CDKN2B-AS1: variants seen among roughly 807,000 people sequenced by gnomAD.
The protein encoded by CDKN2B-AS1 is CDKN2B and CDKN2A antisense cis and trans regulatory RNA 1, also known as CDKN2B antisense RNA 1 (non-protein coding).
chr9:22,076,118 A>C (rs1824482254), intron 4 of CDKN2B-AS1, among the ~76,000 whole-genome samples: 1 of 152,006 alleles, frequency 6.6e-6, no homozygotes, highest in Admixed American at 6.5e-5. Flanking sequence ...CAATGCCACG[A>C]TTTCAGCTCA....
intron 4 of CDKN2B-AS1, among the ~76,000 whole-genome samples, chr9:22,088,274 G>A (rs1009158094): frequency 6.6e-6 from 1 of 152,248 alleles, no homozygotes; most frequent in East Asian, 1.9e-4. Context: ...ATGTTGCAAT[G>A]TTTTATTATA....
intron 2 of CDKN2B-AS1, among the ~76,000 whole-genome samples, chr9:22,047,309 T>C (rs901443827): frequency 6.6e-6 from 1 of 152,194 alleles, no homozygotes; most frequent in Non-Finnish European, 1.5e-5. Flanking sequence ...CATCCATTTA[T>C]ATGCTGATAT....
At chr9:22,114,481 G>A (rs1174012590) in intron 4 of CDKN2B-AS1, among the ~76,000 whole-genome samples, 1 of 152,182 alleles carries the variant, frequency 6.6e-6, no homozygotes, top group Non-Finnish European at 1.5e-5. Context: ...TGGCTACTAT[G>A]TAAGACTCAT....
At chr9:22,085,435 T>G (rs1045430249) in intron 4 of CDKN2B-AS1, among the ~76,000 whole-genome samples, 5 of 152,276 alleles carry the variant, frequency 3.3e-5, no homozygotes, top group South Asian at 4.1e-4. Context: ...AAGTTCCCTC[T>G]CTGGCCGGGC....
chr9:22,034,448 C>T (rs894591615), intron 1 of CDKN2B-AS1, among the ~76,000 whole-genome samples: 2 of 152,152 alleles, frequency 1.3e-5, no homozygotes, highest in Non-Finnish European at 2.9e-5. Context: ...AAAAGAAGCC[C>T]GAGTTAGGAT....
chr9:22,066,219 T>A (rs1367305494), intron 4 of CDKN2B-AS1: 1 of 152,212 alleles, frequency 6.6e-6, no homozygotes, highest in South Asian at 2.1e-4. Context: ...TCTATTTTTT[T>A]TTTTTTATTT....
intron 4 of CDKN2B-AS1, among the ~76,000 whole-genome samples, chr9:22,123,405 G>T (rs1378809091): frequency 1.3e-5 from 2 of 152,164 alleles, no homozygotes; most frequent in African/African-American, 4.8e-5. Context: ...AGAATGTTAA[G>T]AGTGGGCATC....
intron 4 of CDKN2B-AS1, among the ~76,000 whole-genome samples, chr9:22,083,501 A>G: frequency 6.6e-6 from 1 of 152,204 alleles, no homozygotes; most frequent in Non-Finnish European, 1.5e-5. Flanking sequence ...GCCAGTTCTC[A>G]TGGAGGTTTT....
chr9:22,103,384 A>G (rs1825557117), intron 4 of CDKN2B-AS1, among the ~76,000 whole-genome samples: 1 of 152,034 alleles, frequency 6.6e-6, no homozygotes, highest in South Asian at 2.1e-4. Context: ...TCAGAGGCTA[A>G]CCCAAAAAGC....
intron 4 of CDKN2B-AS1, among the ~76,000 whole-genome samples, chr9:22,065,426 A>G (rs1016528391): frequency 6.6e-6 from 1 of 152,210 alleles, no homozygotes; most frequent in Admixed American, 6.5e-5. Flanking sequence ...TACATTGTCT[A>G]GAGTCTTCTA....
At chr9:22,022,406 A>G (rs895909283) in intron 1 of CDKN2B-AS1, among the ~76,000 whole-genome samples, 3 of 152,018 alleles carry the variant, frequency 2.0e-5, no homozygotes, top group Non-Finnish European at 4.4e-5. Flanking sequence ...CCATTATGTA[A>G]TGCGTTTCTT....
intron 4 of CDKN2B-AS1, among the ~76,000 whole-genome samples, chr9:22,060,367 G>T (rs1049020451): frequency 1.3e-5 from 2 of 152,184 alleles, no homozygotes; most frequent in Admixed American, 6.5e-5. Context: ...AATGCCACCA[G>T]TCTCTTTGCT....
intron 1 of CDKN2B-AS1, among the ~76,000 whole-genome samples, chr9:22,007,317 C>T (rs1237589893): frequency 6.6e-6 from 1 of 151,926 alleles, no homozygotes; most frequent in Non-Finnish European, 1.5e-5. Context: ...TGAGATTGTG[C>T]CACTGCACTC....
At chr9:22,009,184 G>A in intron 1 of CDKN2B-AS1, 2 of 639,410 alleles carry the variant, frequency 3.1e-6, no homozygotes, top group East Asian at 2.8e-5. Context: ...ACCAGCGGGC[G>A]CGCCTGGATT....
intron 4 of CDKN2B-AS1, among the ~76,000 whole-genome samples, chr9:22,081,573 T>C (rs1472626204): frequency 6.6e-6 from 1 of 152,224 alleles, no homozygotes; most frequent in Admixed American, 6.5e-5. Context: ...TGGGAACAAG[T>C]TGTGGGTCTG....
chr9:22,105,852 A>G (rs778858264), intron 4 of CDKN2B-AS1, among the ~76,000 whole-genome samples: 19 of 152,182 alleles, frequency 1.2e-4, no homozygotes, highest in Non-Finnish European at 2.5e-4. Flanking sequence ...TTTGATTTCA[A>G]CTATGGGCTT....
chr9:22,123,037 A>G (rs1235434300), intron 4 of CDKN2B-AS1, among the ~76,000 whole-genome samples: 2 of 151,838 alleles, frequency 1.3e-5, no homozygotes, highest in African/African-American at 4.8e-5. Flanking sequence ...TTTCATCAGT[A>G]TTTTGTAGTT....
chr9:22,063,544 T>A (rs1823910058), intron 4 of CDKN2B-AS1, among the ~76,000 whole-genome samples: 1 of 152,114 alleles, frequency 6.6e-6, no homozygotes, highest in Non-Finnish European at 1.5e-5. Context: ...TCCAAATTAT[T>A]GTAATAATGT....
chr9:22,010,660 A>G (rs948942703), intron 1 of CDKN2B-AS1, among the ~76,000 whole-genome samples: 1 of 152,214 alleles, frequency 6.6e-6, no homozygotes, highest in Admixed American at 6.5e-5. Flanking sequence ...GCCTCAACAG[A>G]GCTGAAATCC....
Sources: allele counts gnomAD v4.1 joint callset (sites outside exome capture counted in the v4.1 genomes callset), GRCh38; gene constraint gnomAD v4.1.1; transcripts MANE v1.5; gene names NCBI Gene and HGNC (gene_info 2026-07-23, HGNC 2026-07-21).